TYW1: variants seen among roughly 807,000 people sequenced by gnomAD.
The protein encoded by TYW1 is tRNA-yW synthesizing protein 1 homolog, also known as S-adenosyl-L-methionine-dependent tRNA 4-demethylwyosine synthase TYW1.
TYW1 carries 46 observed loss-of-function variants against 96.2 expected under a neutral mutation model. The ratio of observed to expected loss-of-function variants is 0.48; its 90% CI spans 0.38 to 0.61. The LOEUF (loss-of-function observed/expected upper bound fraction) is 0.61. Ranked by LOEUF, TYW1 falls within the 20% of genes least tolerant of loss-of-function variation. The probability of loss-of-function intolerance (pLI) is 0.00; values close to 1 mark genes in which losing one functional copy is unlikely to be tolerated. For missense variants in TYW1, 684 were observed against 909.6 expected (o/e 0.75, Z 3.19); for synonymous variants, 274 against 323.0 (o/e 0.85, Z 1.63).
At chr7:67,059,364 A>G (rs935974586) in intron 9 of TYW1, among the ~76,000 whole-genome samples, 8 of 151,882 alleles carry the variant, frequency 5.3e-5, no homozygotes, top group African/African-American at 1.9e-4. Context: ...TGGTCTCCCA[A>G]AGTGCTGGGA....
intron 11 of TYW1, among the ~76,000 whole-genome samples, chr7:67,093,692 A>C (rs576153639): frequency 2.0e-5 from 3 of 152,266 alleles, no homozygotes; most frequent in African/African-American, 7.2e-5. Context: ...ATAACCTAAA[A>C]AATTATTCAT....
At chr7:67,167,468 CAAAAAAAAA>C (rs869281504) in intron 13 of TYW1, among the ~76,000 whole-genome samples, 33 of 78,814 alleles carry the variant, frequency 4.2e-4, no homozygotes, top group South Asian at 9.3e-4. Context: ...GACTCTGTCT[CAAAAAAAAA>C]AAAAAAAAAA....
intron 11 of TYW1, among the ~76,000 whole-genome samples, chr7:67,096,223 A>G (rs1056723083): frequency 6.6e-6 from 1 of 152,152 alleles, no homozygotes; most frequent in Non-Finnish European, 1.5e-5. Context: ...CCACATCTCT[A>G]CTGAAACTAC....
At chr7:67,132,375 G>A (rs1292568671) in intron 13 of TYW1, among the ~76,000 whole-genome samples, 1 of 152,070 alleles carries the variant, frequency 6.6e-6, no homozygotes, top group African/African-American at 2.4e-5. Context: ...CTCCCAAAGT[G>A]CTGGGATTAC....
intron 13 of TYW1, among the ~76,000 whole-genome samples, chr7:67,153,856 G>C (rs1798880416): frequency 6.6e-6 from 1 of 151,630 alleles, no homozygotes; most frequent in Non-Finnish European, 1.5e-5. Flanking sequence ...TTGTATACAA[G>C]CAGTTTTACC....
intron 13 of TYW1, among the ~76,000 whole-genome samples, chr7:67,172,869 C>T (rs1016103375): frequency 3.3e-5 from 5 of 151,836 alleles, no homozygotes; most frequent in African/African-American, 9.7e-5. Context: ...CCTGTAATCC[C>T]AGCACTTTGG....
At chr7:67,137,154 G>A (rs374738100) in intron 13 of TYW1, among the ~76,000 whole-genome samples, 12 of 152,012 alleles carry the variant, frequency 7.9e-5, no homozygotes, top group African/African-American at 2.2e-4. Flanking sequence ...GTTGGGAATC[G>A]GTTGTTTCAA....
At chr7:67,121,449 G>A (rs1797757588) in intron 13 of TYW1, among the ~76,000 whole-genome samples, 1 of 152,182 alleles carries the variant, frequency 6.6e-6, no homozygotes, top group African/African-American at 2.4e-5. Flanking sequence ...GCTGAGGCAG[G>A]AGAATTGCTT....
Position 67,183,225 on chromosome 7 carries a change from A to G in TYW1, c.1798A>G (p.Ile600Val), listed in dbSNP as rs1245413798. ...QLVSLGNPDF[I>V]EVKGVTYCGE... ...CGTGTCCCTGGGGAATCCTGACTTC[A>G]TCGAAGTGAAGGTAAGCCCCTGCTG... The change falls in exon 14 of 16, where the codon ATC becomes GTC. Residue 600 changes from isoleucine to valine, a missense_variant. By Grantham distance (29) the Ile-to-Val change is conservative. Coordinates refer to ENST00000359626, the MANE Select transcript of TYW1 (RefSeq NM_018264.4). 1 of 1,602,968 alleles carries G rather than the reference A, an allele frequency of 6.2e-7. No homozygotes were observed. Among genetic ancestry groups the G allele is most frequent in the Non-Finnish European group, 8.5e-7 (1 of 1,174,420 alleles).
At chr7:67,172,964 A>AG (rs139544890) in intron 13 of TYW1, among the ~76,000 whole-genome samples, 1 of 74,594 alleles carries the variant, frequency 1.3e-5, no homozygotes, top group Admixed American at 1.2e-4. Flanking sequence ...TACAAAAAGT[A>AG]AAAAAAATTA....
chr7:67,162,065 G>A (rs1799178359), intron 13 of TYW1, among the ~76,000 whole-genome samples: 2 of 152,164 alleles, frequency 1.3e-5, no homozygotes. Context: ...GGGAGGCCAA[G>A]TTGGGCGGAT....
chr7:67,156,851 A>T, intron 13 of TYW1, among the ~76,000 whole-genome samples: 1 of 151,030 alleles, frequency 6.6e-6, no homozygotes, highest in Admixed American at 6.6e-5. Context: ...AGTCATGTGG[A>T]TTCCAGAAAG....
chr7:67,027,199 C>CAA (rs201232132), intron 7 of TYW1, among the ~76,000 whole-genome samples: 1 of 117,334 alleles, frequency 8.5e-6, no homozygotes, highest in Non-Finnish European at 1.8e-5. Flanking sequence ...GACCTTGTTT[C>CAA]AAAAAAAAAA....
chr7:67,210,688 A>G (rs1563073111), intron 15 of TYW1, among the ~76,000 whole-genome samples: 1 of 82,324 alleles, frequency 1.2e-5, no homozygotes, highest in East Asian at 2.2e-4. Context: ...CTATCCATCC[A>G]TTCGTCCATC....
intron 9 of TYW1, among the ~76,000 whole-genome samples, chr7:67,063,610 A>AT (rs34138296): frequency 0.3 from 44,298 of 148,052 alleles, 6,698 homozygotes; most frequent in African/African-American, 0.34. Context: ...TGTATTCTGT[A>AT]TTTTTTTTTT....
At chr7:67,135,232 A>C (rs116306750) in intron 13 of TYW1, among the ~76,000 whole-genome samples, 41,407 of 151,008 alleles carry the variant, frequency 0.27, 6,508 homozygotes, top group African/African-American at 0.43. Flanking sequence ...CTTGTGAAAT[A>C]ATCACTACCT....
At chr7:67,007,779 T>G (rs1401906042) in intron 3 of TYW1, among the ~76,000 whole-genome samples, 1 of 151,962 alleles carries the variant, frequency 6.6e-6, no homozygotes. Flanking sequence ...GGATTACAGG[T>G]GCCCACCACC....
rs1319003500 is a variant in TYW1 at position 67,158,715 on chromosome 7, GCT to G, written c.1699-24409_1699-24408del. ...CTACCGTGTAGCTGGGACTACAGGT[GCT>G]CGCCACCACGCCTGGCTAATTTTTT... On this transcript the variant is annotated intron_variant, in intron 13 of 15. Transcript: ENST00000359626. Among the ~76,000 whole-genome samples the G allele has an allele frequency of 3.3e-5, 5 of 152,182 alleles. No homozygotes were observed. The East Asian group carries it at 9.7e-4, about 29-fold the overall frequency.
chr7:67,058,169 C>T (rs572741214), intron 9 of TYW1, among the ~76,000 whole-genome samples: 10 of 152,202 alleles, frequency 6.6e-5, no homozygotes, highest in South Asian at 2.1e-4. Context: ...CTCCTGACCT[C>T]GTGATCTACC....
Sources: allele counts gnomAD v4.1 joint callset (sites outside exome capture counted in the v4.1 genomes callset), GRCh38; gene constraint gnomAD v4.1.1; transcripts MANE v1.5; gene names NCBI Gene and HGNC (gene_info 2026-07-23, HGNC 2026-07-21).